The following ZCCHC4 variants were observed in gnomAD, a reference collection of about 807,000 sequenced individuals.
ZCCHC4 encodes the protein rRNA N(6)-adenosine-methyltransferase ZCCHC4.
A neutral mutation model predicts 67.7 loss-of-function variants in ZCCHC4; 54 were observed. The observed-to-expected ratio is 0.80, with a 90% confidence interval of 0.64 to 1.00. The LOEUF is 1.00. Among genes scored for constraint, ZCCHC4 ranks in the 50% least tolerant of loss-of-function variants. The pLI is 0.00. For missense variants in ZCCHC4, 609 were observed against 617.0 expected (o/e 0.99, Z 0.14); for synonymous variants, 198 against 213.5 (o/e 0.93, Z 0.63).
chr4:25,331,587 G>A (rs146212686), intron 3 of ZCCHC4, among the ~76,000 whole-genome samples: 94 of 152,294 alleles, frequency 6.2e-4, no homozygotes, highest in African/African-American at 2.1e-3. Flanking sequence ...GATTTCAGGC[G>A]TGAGCCACTG....
chr4:25,361,954 A>G lies in ZCCHC4; in HGVS notation c.1107A>G (p.Ile369Met). Residue 369 changes from isoleucine to methionine, a missense_variant, in exon 9 of 13, where the codon ATA becomes ATG. Physicochemically the swap from Ile to Met is conservative, Grantham distance 10. Transcript: ENST00000302874. ...TCACCAACATTCCGCCCAACAAAAT[A>G]ATCCTTCCTACTGAAGAAGGGTACA... ...RIFTNIPPNK[I>M]ILPTEEGYRF... is the part of the protein sequence containing the mutation. The G allele has an allele frequency of 6.2e-7, 1 of 1,614,066 alleles. No individual in the cohort carries two copies. Among genetic ancestry groups the G allele is most frequent in the Non-Finnish European group, 8.5e-7 (1 of 1,179,962 alleles).
chr4:25,312,984 G>A (rs750561566), intron 1 of ZCCHC4, 48 bp downstream of exon 1: 4 of 1,601,144 alleles, frequency 2.5e-6, no homozygotes, highest in Middle Eastern at 2.0e-4. Context: ...CTGAGGGTGT[G>A]AGTTGGCTTG....
At chr4:25,364,315 T>A in intron 10 of ZCCHC4, 139 bp from the exon 11 acceptor site, 1 of 580,250 alleles carries the variant, frequency 1.7e-6, no homozygotes. Flanking sequence ...AAGTATCTAA[T>A]TGTGAAGCCC....
At chr4:25,313,646 G>A (rs1490313853) in intron 1 of ZCCHC4, among the ~76,000 whole-genome samples, 1 of 152,164 alleles carries the variant, frequency 6.6e-6, no homozygotes, top group Admixed American at 6.5e-5. Flanking sequence ...GGGCCGAGGC[G>A]GGCTGATCGC....
chr4:25,329,063 TGTA>T (rs1337247563), intron 3 of ZCCHC4, among the ~76,000 whole-genome samples: 1 of 151,956 alleles, frequency 6.6e-6, no homozygotes, highest in Admixed American at 6.6e-5. Context: ...GGCAAGCACC[TGTA>T]GTTGTAGCTG....
chr4:25,325,170 G>GT, intron 3 of ZCCHC4, among the ~76,000 whole-genome samples: 1 of 90,386 alleles, frequency 1.1e-5, no homozygotes, highest in African/African-American at 3.1e-5. Flanking sequence ...GTGAATCCCG[G>GT]GAGGCGGAGC....
rs573570293 is a variant in ZCCHC4, at chr4:25,322,271, A to G, written c.329+6871A>G. ...TGTACAAAGATGTACAACTATTACAATCTATTTCCAGAACATTTTCATCAC... is the reference window on the plus strand; with the variant it reads ...TGTACAAAGATGTACAACTATTACAGTCTATTTCCAGAACATTTTCATCAC... On this transcript the variant is annotated intron_variant, in intron 3 of 12. Coordinates refer to ENST00000302874, the MANE Select transcript of ZCCHC4 (RefSeq NM_024936.3). Among the ~76,000 whole-genome samples the G allele has an allele frequency of 2.0e-4, 31 of 152,130 alleles. No homozygotes were observed. In the South Asian group the frequency reaches 5.0e-3, roughly 24 times the overall value.
chr4:25,318,496 A>ATG (rs1718399972), intron 3 of ZCCHC4, among the ~76,000 whole-genome samples: 1 of 151,544 alleles, frequency 6.6e-6, no homozygotes, highest in South Asian at 2.1e-4. Flanking sequence ...CTGGGATTAC[A>ATG]GGCACCTGCC....
At chr4:25,337,020 T>A (rs1393748473) in intron 5 of ZCCHC4, among the ~76,000 whole-genome samples, 1 of 152,262 alleles carries the variant, frequency 6.6e-6, no homozygotes, top group Non-Finnish European at 1.5e-5. Flanking sequence ...ATAACTTTGC[T>A]TTTAAACTTG....
chr4:25,351,666 A>G lies in ZCCHC4; in HGVS notation c.988A>G (p.Ser330Gly). Residue 330 changes from serine to glycine, a missense_variant, in exon 8 of 13, where the codon AGC (serine) becomes GGC (glycine). Ser to Gly is a moderately conservative substitution (Grantham distance 56). Transcript: ENST00000302874. ...FESRICQFFP[S>G]FQMLDYQVDY... ...ATCCCGAATTTGTCAGTTTTTTCCA[A>G]GCTTCCAGATGCTGGATTACCAGGT... The G allele has an allele frequency of 6.2e-7, 1 of 1,611,978 alleles. No homozygotes were observed. Among genetic ancestry groups the G allele is most frequent in the Non-Finnish European group, 8.5e-7 (1 of 1,179,028 alleles).
At chr4:25,344,744 T>G (rs1299761509) in intron 5 of ZCCHC4, among the ~76,000 whole-genome samples, 1 of 151,650 alleles carries the variant, frequency 6.6e-6, no homozygotes, top group African/African-American at 2.4e-5. Flanking sequence ...CTTTCTCTAT[T>G]ATATTGAAAA....
At chr4:25,362,322 G>A (rs1720776040) in intron 10 of ZCCHC4, 21 bp downstream of exon 10, 5 of 1,487,930 alleles carry the variant, frequency 3.4e-6, no homozygotes, top group Non-Finnish European at 3.6e-6. Context: ...CTTATAGAAT[G>A]TATTTTTATT....
intron 7 of ZCCHC4, 118 bp from the exon 8 acceptor site, chr4:25,351,471 T>C (rs1720293299): frequency 3.0e-6 from 2 of 665,822 alleles, no homozygotes; most frequent in African/African-American, 1.8e-5. Flanking sequence ...TCTGTTTTTG[T>C]ATGAGATTTA....
chr4:25,348,686 GA>G (rs1331873399), intron 6 of ZCCHC4, among the ~76,000 whole-genome samples: 3 of 152,092 alleles, frequency 2.0e-5, no homozygotes, highest in Non-Finnish European at 4.4e-5. Context: ...TTATATCAGG[GA>G]CTCTAGCACC....
rs1026440333 is a variant in ZCCHC4, at chr4:25,370,048, T to C, written c.*884T>C. ...TTAAATATTTATTCTTCAAGTACTT[T>C]TTGCAGTTGTCCTCTGACGGTCTAG... On this transcript the variant is annotated 3_prime_UTR_variant, in exon 13 of 13. Coordinates refer to ENST00000302874, the MANE Select transcript of ZCCHC4 (RefSeq NM_024936.3). 2 of 152,174 alleles carry C rather than the reference T, an allele frequency of 1.3e-5. No homozygotes were observed. Among genetic ancestry groups the C allele is most frequent in the African/African-American group, 4.8e-5 (2 of 41,454 alleles). 9.4% of individuals were successfully genotyped at this position (152,174 alleles called of 1,614,324 possible). A position where few individuals can be genotyped will look rare whatever the true frequency, so the allele number is the denominator to read the frequency against.
intron 5 of ZCCHC4, among the ~76,000 whole-genome samples, chr4:25,338,838 T>C (rs1238131295): frequency 6.6e-6 from 1 of 152,236 alleles, no homozygotes; most frequent in Non-Finnish European, 1.5e-5. Flanking sequence ...TTTTTGGCTA[T>C]TATGAATAAT....
chr4:25,324,172 C>G (rs1295069091), intron 3 of ZCCHC4, among the ~76,000 whole-genome samples: 2 of 60,522 alleles, frequency 3.3e-5, no homozygotes, highest in Non-Finnish European at 6.4e-5. Context: ...CCATGCCTGG[C>G]TAATTTTTTT....
intron 12 of ZCCHC4, 60 bp from the exon 13 acceptor site, chr4:25,368,969 A>G (rs414879): frequency 0.13 from 202,993 of 1,543,302 alleles, 13,994 homozygotes; most frequent in East Asian, 0.25. Flanking sequence ...TTAAACTTCA[A>G]CATAATTACA....
intron 5 of ZCCHC4, among the ~76,000 whole-genome samples, chr4:25,343,084 A>G (rs73808327): frequency 0.077 from 11,760 of 152,310 alleles, 508 homozygotes; most frequent in South Asian, 0.11. Flanking sequence ...AAATGATATC[A>G]TGTTTACACA....
Sources: gnomAD v4.1 joint callset for allele counts (sites outside exome capture counted in the v4.1 genomes callset) on GRCh38, gnomAD v4.1.1 for gene constraint, MANE v1.5 for transcripts, NCBI Gene and HGNC (gene_info 2026-07-23, HGNC 2026-07-21) for gene names.